Variants in LATS2 observed in about 807,000 individuals in gnomAD.
The protein encoded by LATS2 is large tumor suppressor kinase 2.
Under a neutral mutation model 76.0 loss-of-function variants are expected in LATS2, and 24 were observed. The ratio of observed to expected loss-of-function variants is 0.32; its 90% confidence interval spans 0.23 to 0.44. The LOEUF (loss-of-function observed/expected upper bound fraction) is 0.44. Among genes scored for constraint, LATS2 ranks in the 20% least tolerant of loss-of-function variants. LATS2 has a pLI of 1.00. For missense variants in LATS2, 1,286 were observed against 1,481.2 expected (o/e 0.87, Z 2.16); for synonymous variants, 692 against 635.4 (o/e 1.09, Z -1.34).
At chr13:21,007,463 G>A (rs1270377710) in intron 2 of LATS2, among the ~76,000 whole-genome samples, 1 of 137,338 alleles carries the variant, frequency 7.3e-6, no homozygotes, top group Admixed American at 8.0e-5. Flanking sequence ...AAGGAGGCTC[G>A]GCCAATAATC....
At chr13:21,057,123 G>A (rs1198427849) in intron 1 of LATS2, among the ~76,000 whole-genome samples, 1 of 152,136 alleles carries the variant, frequency 6.6e-6, no homozygotes, top group Non-Finnish European at 1.5e-5. Flanking sequence ...TCCAAACAGA[G>A]GCCCACTCCT....
intron 2 of LATS2, among the ~76,000 whole-genome samples, chr13:21,022,314 A>G (rs908287959): frequency 2.0e-5 from 3 of 152,110 alleles, no homozygotes; most frequent in East Asian, 1.9e-4. Context: ...ATGTGTGTGA[A>G]TATCTGTATA....
chr13:21,040,723 C>T (rs1250896795), intron 2 of LATS2, among the ~76,000 whole-genome samples: 1 of 152,082 alleles, frequency 6.6e-6, no homozygotes, highest in Non-Finnish European at 1.5e-5. Flanking sequence ...AGGTGGGAGT[C>T]AGGCTGGCCA....
chr13:21,014,574 T>A (rs769017966), intron 2 of LATS2, among the ~76,000 whole-genome samples: 1 of 152,168 alleles, frequency 6.6e-6, no homozygotes, highest in African/African-American at 2.4e-5. Context: ...TGAGGATGGA[T>A]GCTAGGAGGA....
intron 2 of LATS2, chr13:21,005,472 G>C (rs1203780584): frequency 2.0e-5 from 3 of 152,218 alleles, no homozygotes; most frequent in African/African-American, 7.2e-5. Context: ...GGTCAAAAAA[G>C]GGCTTGCCAA....
rs765536839 is a variant in LATS2, at chr13:20,973,162, G to A, written c.*1708C>T. 7 of 232,230 alleles carry A rather than the reference G, an allele frequency of 3.0e-5. No homozygotes were observed. Among genetic ancestry groups the A allele is most frequent in the Admixed American group, 2.8e-4 (5 of 17,730 alleles). The allele number at this position is 232,230 out of a possible 1,614,324, so 14.4% of individuals were successfully genotyped here. On this transcript the variant is annotated 3_prime_UTR_variant, in exon 8 of 8. Coordinates refer to ENST00000382592, the MANE Select transcript of LATS2 (RefSeq NM_014572.3). ...CTACCACATGAAAGTATGTCAGAGC[G>A]CTGTGAGTAACAACATGGCACGACT...
At chr13:21,000,866 C>T (rs55712424) in intron 2 of LATS2, among the ~76,000 whole-genome samples, 3,126 of 152,196 alleles carry the variant, frequency 0.021, 94 homozygotes, top group African/African-American at 0.071. Flanking sequence ...CTCTTAGTAA[C>T]TATGTACACA....
chr13:21,045,917 A>G lies in LATS2; in HGVS notation c.110T>C (p.Leu37Pro). 1 of 1,614,202 alleles carries G rather than the reference A, an allele frequency of 6.2e-7. No homozygotes were observed. The highest frequency in any genetic ancestry group is 1.1e-5 in the South Asian group (1 of 91,088). ...AGTGTCACTGTTTGGTCCTGCGGGT[A>G]GCCCCTGAACCGAAGACTTGGATGG... ...KQPSKSSVQG[L>P]PAGPNSDTSL... The change falls in exon 2 of 8, where the codon CTA (leucine) becomes CCA (proline). Residue 37 changes from leucine to proline, a missense_variant. Leu to Pro is a moderately conservative substitution (Grantham distance 98, BLOSUM62 -3). Around this residue, in one of 5 missense-constraint regions of LATS2, gnomAD observed 101 missense variants for 141.4 expected, o/e 0.71. Transcript: ENST00000382592.
intron 4 of LATS2, 81 bp from the exon 5 acceptor site, chr13:20,983,887 G>A: frequency 9.8e-7 from 1 of 1,016,336 alleles, no homozygotes; most frequent in Admixed American, 2.2e-5. Flanking sequence ...GGGATGCCCT[G>A]GAACTGAGAG....
chr13:21,039,917 T>C (rs1872808138), intron 2 of LATS2, among the ~76,000 whole-genome samples: 7 of 151,984 alleles, frequency 4.6e-5, no homozygotes, highest in Admixed American at 6.6e-5. Flanking sequence ...CTACTAAAAA[T>C]ACAAAATTAG....
Position 20,988,585 on chromosome 13 carries a change from C to A in LATS2, c.1195G>T (p.Asp399Tyr). The change falls in exon 4 of 8, where the codon GAC becomes TAC. Residue 399 changes from aspartate to tyrosine, a missense_variant. Transcript: ENST00000382592. ...TTGGTCCTGCTGGGCACTGGGCAGT[C>A]AGGCCGGAAGGCCACGTGCGCGCGC... ...PPRAHVAFRP[D>Y]CPVPSRTNSF... The A allele has an allele frequency of 6.3e-7, 1 of 1,588,862 alleles. No individual in the cohort carries two copies. Among genetic ancestry groups the A allele is most frequent in the Non-Finnish European group, 8.5e-7 (1 of 1,175,524 alleles).
intron 3 of LATS2, among the ~76,000 whole-genome samples, chr13:20,989,923 T>G (rs891035966): frequency 6.6e-6 from 1 of 152,238 alleles, no homozygotes; most frequent in African/African-American, 2.4e-5. Context: ...GCTACCTTAA[T>G]CCTGACCTCC....
Position 21,019,398 on chromosome 13 carries a change from C to T in LATS2, c.342+26287G>A, listed in dbSNP as rs905245251. On this transcript the variant is annotated intron_variant, in intron 2 of 7. Transcript: ENST00000382592. ...CTGGAGTGCAGTGGCGCAATCTCAG[C>T]TCACTGCAACCTCTGCCTCCCGGGT... is the stretch of plus-strand genomic sequence containing the variant. 1.5e-4 allele frequency among the ~76,000 whole-genome samples: 23 copies of T among 149,810 alleles called. 1 individual carries two copies. Among genetic ancestry groups the T allele is most frequent in the Non-Finnish European group, 3.0e-5 (2 of 67,572 alleles).
chr13:20,991,093 C>T lies in LATS2; in HGVS notation c.475+179G>A, dbSNP rs765583469. ...ACGGTCTACCACTTGGGGCTGCTCC[C>T]GCCAGGGCCTGACTCTGTCAGGGCA... On this transcript the variant is annotated intron_variant, in intron 3 of 7. Transcript: ENST00000382592. The surrounding 1 kb of genome is among the most constrained non-coding windows in gnomAD (Gnocchi z 4.9). Among the ~76,000 whole-genome samples, 4 of 152,252 alleles carry T rather than the reference C, an allele frequency of 2.6e-5. No homozygotes were observed. Among genetic ancestry groups the T allele is most frequent in the South Asian group, 2.1e-4 (1 of 4,832 alleles).
At chr13:21,045,312 G>A (rs189426979) in intron 2 of LATS2, among the ~76,000 whole-genome samples, 1 of 151,968 alleles carries the variant, frequency 6.6e-6, no homozygotes. Context: ...ACAAGAAAAG[G>A]GAAGCCAGTC....
At chr13:21,055,077 A>AT (rs1278390914) in intron 1 of LATS2, among the ~76,000 whole-genome samples, 1 of 152,200 alleles carries the variant, frequency 6.6e-6, no homozygotes, top group East Asian at 1.9e-4. Flanking sequence ...GAATGAAAGC[A>AT]TTTTTTCAGC....
chr13:20,983,692 TG>T lies in LATS2; in HGVS notation c.2013del (p.Thr673ProfsTer24). On this transcript the variant is annotated frameshift_variant, in exon 5 of 8. Transcript: ENST00000382592. LOFTEE classifies it high-confidence loss of function. ...AKMDKSMFVK[I>X]KTLGIGAFGE... ...CCAAAGGCACCGATCCCCAGGGTTT[TG>T]ATCTTGACAAACATAGACTTGTCCA... is the stretch of plus-strand genomic sequence containing the variant. 1 of 1,614,180 alleles carries T rather than the reference TG, an allele frequency of 6.2e-7. No homozygotes were observed. Among genetic ancestry groups the T allele is most frequent in the Non-Finnish European group, 8.5e-7 (1 of 1,180,030 alleles).
intron 2 of LATS2, among the ~76,000 whole-genome samples, chr13:21,037,314 G>A (rs1872713968): frequency 6.6e-6 from 1 of 152,304 alleles, no homozygotes; most frequent in Non-Finnish European, 1.5e-5. Flanking sequence ...TGACGGGGGA[G>A]AATCGCTTGA....
intron 2 of LATS2, among the ~76,000 whole-genome samples, chr13:21,034,819 A>G (rs1261147229): frequency 6.6e-6 from 1 of 152,216 alleles, no homozygotes; most frequent in Non-Finnish European, 1.5e-5. Context: ...GAAAGTCATC[A>G]AGAACTCTTA....
Sources: gnomAD v4.1 joint callset for allele counts (sites outside exome capture counted in the v4.1 genomes callset) on GRCh38, gnomAD v4.1.1 for gene constraint, gnomAD v4.1.1 regional missense constraint, Gnocchi (gnomAD v3.1) non-coding constraint, MANE v1.5 for transcripts, NCBI Gene and HGNC (gene_info 2026-07-23, HGNC 2026-07-21) for gene names.